Variants in AP2A1 observed in about 807,000 individuals in gnomAD.
AP2A1 encodes the protein AP-2 complex subunit alpha-1.
Under a neutral mutation model 107.3 loss-of-function variants are expected in AP2A1, and 21 were observed. The ratio of observed to expected loss-of-function variants is 0.20; its 90% confidence interval spans 0.14 to 0.28. The LOEUF (loss-of-function observed/expected upper bound fraction) is 0.28. Ranked by LOEUF, AP2A1 falls within the 10% of genes least tolerant of loss-of-function variation. The probability of loss-of-function intolerance (pLI) is 1.00; values close to 1 mark genes in which losing one functional copy is unlikely to be tolerated. For missense variants in AP2A1, 873 were observed against 1,307.7 expected (o/e 0.67, Z 5.13); for synonymous variants, 602 against 564.8 (o/e 1.07, Z -0.93).
intron 7 of AP2A1, among the ~76,000 whole-genome samples, chr19:49,798,157 A>G (rs2073233885): frequency 6.6e-6 from 1 of 152,192 alleles, no homozygotes; most frequent in African/African-American, 2.4e-5. Flanking sequence ...CAGCTCTTGC[A>G]TACACTTGAA....
At chr19:49,783,979 C>T (rs2084708000) in intron 4 of AP2A1, among the ~76,000 whole-genome samples, 2 of 152,154 alleles carry the variant, frequency 1.3e-5, no homozygotes, top group African/African-American at 2.4e-5. Flanking sequence ...TTCCCTAGTG[C>T]TTCACAGAAG....
intron 22 of AP2A1, 87 bp from the exon 23 acceptor site, chr19:49,806,594 A>T: frequency 6.5e-7 from 1 of 1,545,244 alleles, no homozygotes; most frequent in Non-Finnish European, 8.7e-7. Context: ...TGGCCCCTTT[A>T]TCCTTCCTTC....
intron 1 of AP2A1, among the ~76,000 whole-genome samples, chr19:49,768,245 T>G (rs1674139): frequency 6.6e-6 from 1 of 151,768 alleles, no homozygotes; most frequent in African/African-American, 2.4e-5. Context: ...ATGGGAATCC[T>G]GGCGGCAAGT....
chr19:49,796,149 T>G, intron 7 of AP2A1: 1 of 208,364 alleles, frequency 4.8e-6, no homozygotes, highest in African/African-American at 2.3e-5. Flanking sequence ...TTTTCACATC[T>G]GTTGGGAACC....
rs1177928985 is a variant in AP2A1 at position 49,792,033 on chromosome 19, G to A, written c.572G>A (p.Arg191His). Reference protein sequence around the residue: ...DLVPMGEWTARVVHLLNDQHM... With the variant: ...DLVPMGEWTAHVVHLLNDQHM... Reference sequence around the variant, plus strand: ...GTGCCCATGGGCGAGTGGACGGCGCGTGTGGTACACCTGCTCAATGACCAG... The same window carrying A: ...GTGCCCATGGGCGAGTGGACGGCGCATGTGGTACACCTGCTCAATGACCAG... Residue 191 changes from arginine (R) to histidine (H), a missense_variant, in exon 5 of 23, where the codon CGT (arginine) becomes CAT (histidine). Arg to His is a conservative substitution (Grantham distance 29). Transcript: ENST00000354293. The A allele has an allele frequency of 5.0e-6, 8 of 1,612,522 alleles. No individual in the cohort carries two copies. The highest frequency in any genetic ancestry group is 5.9e-6 in the Non-Finnish European group (7 of 1,179,482).
intron 15 of AP2A1, chr19:49,802,633 G>A (rs767177575): frequency 1.3e-6 from 2 of 1,521,688 alleles, no homozygotes; most frequent in Admixed American, 2.0e-5. Flanking sequence ...GGTCGGTCGG[G>A]GGGGCGGACT....
chr19:49,800,002 C>G lies in AP2A1; in HGVS notation c.1307C>G (p.Ala436Gly). Residue 436 changes from alanine (A) to glycine (G), a missense_variant, in exon 11 of 23, where the codon GCC becomes GGC. Physicochemically the swap from Ala to Gly is moderately conservative, Grantham distance 60. This residue lies in a region of AP2A1 where 213 missense variants were observed against 443.5 expected (regional missense o/e 0.48). Transcript: ENST00000354293. ...LKVAILAEKYAVDYSWYVDTI... is the reference protein window; with the variant it reads ...LKVAILAEKYGVDYSWYVDTI... ...GTGGCCATCCTGGCCGAGAAGTACG[C>G]CGTGGACTACAGCTGGTACGTGGAC... 3 of 1,613,986 alleles carry G rather than the reference C, an allele frequency of 1.9e-6. No individual in the cohort carries two copies. The highest frequency in any genetic ancestry group is 2.5e-6 in the Non-Finnish European group (3 of 1,179,842).
chr19:49,795,582 G>GCCCCAACCCCCCC, intron 6 of AP2A1, 48 bp from the exon 7 acceptor site: 1 of 692,054 alleles, frequency 1.4e-6, no homozygotes, highest in Non-Finnish European at 2.7e-6. Context: ...GGACCCACGT[G>GCCCCAACCCCCCC]CCCCTCCCAC....
intron 5 of AP2A1, 22 bp downstream of exon 5, chr19:49,792,086 C>T (rs1473285009): frequency 1.9e-6 from 3 of 1,606,392 alleles, no homozygotes; most frequent in African/African-American, 1.3e-5. Context: ...GCCCTCACAC[C>T]CCCGGATACC....
intron 15 of AP2A1, 83 bp downstream of exon 15, chr19:49,802,224 G>GCCCCCCC: frequency 5.3e-6 from 6 of 1,137,298 alleles, no homozygotes; most frequent in South Asian, 1.3e-5. Flanking sequence ...TTTTCCCTGA[G>GCCCCCCC]CCCCTCCCCC....
chr19:49,807,071 G>A lies in AP2A1; in HGVS notation c.*313G>A, dbSNP rs763578121. The A allele has an allele frequency of 3.7e-6, 5 of 1,354,166 alleles. No individual in the cohort carries two copies. The Admixed American group carries it at 9.7e-5, about 26-fold the overall frequency. 83.9% of individuals were successfully genotyped at this position (1,354,166 alleles called of 1,614,324 possible). ...CCCCTCCTACCCCCTCCCCATCCAG[G>A]GGCTGTGTATTATTGTGAGCGAATA... On this transcript the variant is annotated 3_prime_UTR_variant, in exon 23 of 23. Transcript: ENST00000354293.
At chr19:49,801,659 AC>A in intron 13 of AP2A1, 38 bp downstream of exon 13, 1 of 838,146 alleles carries the variant, frequency 1.2e-6, no homozygotes, top group Non-Finnish European at 1.7e-6. Context: ...CCTCTTGCAC[AC>A]CCCCTTCCCG....
chr19:49,774,573 G>A (rs1037722500), intron 1 of AP2A1, among the ~76,000 whole-genome samples: 1 of 151,350 alleles, frequency 6.6e-6, no homozygotes. Flanking sequence ...TTTTTGAGAC[G>A]GAGTCTTGCT....
intron 3 of AP2A1, 136 bp from the exon 4 acceptor site, chr19:49,782,395 G>A: frequency 9.9e-7 from 1 of 1,005,234 alleles, no homozygotes; most frequent in Non-Finnish European, 1.4e-6. Flanking sequence ...TTGTGGGTCT[G>A]AGGGAGGAGG....
chr19:49,800,913 G>GAGGGC lies in AP2A1; in HGVS notation c.1456-47_1456-43dup, dbSNP rs1297588635. 3 of 1,498,784 alleles carry GAGGGC rather than the reference G, an allele frequency of 2.0e-6. No homozygotes were observed. In the East Asian group the frequency reaches 7.2e-5, roughly 36 times the overall value. The allele number at this position is 1,498,784 out of a possible 1,614,324, so 92.8% of individuals were successfully genotyped here. A position where few individuals can be genotyped will look rare whatever the true frequency, so the allele number is the denominator to read the frequency against. ...GGTGGCTGCACCCACCGATCCCGGA[G>GAGGGC]AGGGCGCTCATTGTTGTCCTCTCCA... is the stretch of plus-strand genomic sequence containing the variant. On this transcript the variant is annotated intron_variant, in intron 11 of 22. Coordinates refer to ENST00000354293, the MANE Select transcript of AP2A1 (RefSeq NM_130787.3).
chr19:49,773,893 G>A (rs2084590660), intron 1 of AP2A1, among the ~76,000 whole-genome samples: 1 of 152,180 alleles, frequency 6.6e-6, no homozygotes, highest in Non-Finnish European at 1.5e-5. Context: ...CTTAGGAGGA[G>A]GAGAGGGCAG....
chr19:49,790,055 C>T (rs2073122470), intron 4 of AP2A1, among the ~76,000 whole-genome samples: 1 of 152,194 alleles, frequency 6.6e-6, no homozygotes, highest in African/African-American at 2.4e-5. Context: ...TGATGAATTA[C>T]CACCAGCACA....
Position 49,767,045 on chromosome 19 carries a change from C to A in AP2A1, c.-89C>A. 1 of 1,426,468 alleles carries A rather than the reference C, an allele frequency of 7.0e-7. No individual in the cohort carries two copies. 88.4% of individuals were successfully genotyped at this position (1,426,468 alleles called of 1,614,324 possible). The stretch of plus-strand genomic sequence containing the variant: ...GGCCGGCTCGGCTCCTTGGCGCTGC[C>A]TGGGGTCCTTTCCGCCCGGTCCCCG... On this transcript the variant is annotated 5_prime_UTR_variant, in exon 1 of 23. In the 5' UTR this introduces an upstream ATG that the reference lacks. Transcript: ENST00000354293.
At position 49,805,495 on chromosome 19, in the gene AP2A1, G is replaced by C. The variant is rs1416000482; in HGVS notation, c.2387G>C (p.Gly796Ala). Residue 796 changes from glycine to alanine, a missense_variant, in exon 19 of 23, where the codon GGC (glycine) becomes GCC (alanine). Physicochemically the swap from Gly to Ala is moderately conservative, Grantham distance 60. Around this residue, in one of 4 missense-constraint regions of AP2A1, gnomAD observed 416 missense variants for 473.4 expected, o/e 0.88. Coordinates refer to ENST00000354293, the MANE Select transcript of AP2A1 (RefSeq NM_130787.3). The stretch of plus-strand genomic sequence containing the variant: ...AAGCGCGTGGCGGCGCAGGTGGACG[G>C]CGGCGCGCAGGTGCAGCAGGTGCTC... ...QTKRVAAQVD[G>A]GAQVQQVLNI... 1 of 1,555,530 alleles carries C rather than the reference G, an allele frequency of 6.4e-7. No homozygotes were observed. Among genetic ancestry groups the C allele is most frequent in the Admixed American group, 1.9e-5 (1 of 51,520 alleles).
Sources: allele counts gnomAD v4.1 joint callset (sites outside exome capture counted in the v4.1 genomes callset), GRCh38; gene constraint gnomAD v4.1.1; regional missense constraint gnomAD v4.1.1; transcripts MANE v1.5; gene names NCBI Gene and HGNC (gene_info 2026-07-23, HGNC 2026-07-21).